Variants in MACO1 observed in about 807,000 individuals in gnomAD.
MACO1 encodes the protein macoilin 1, also known as macoilin.
Under a neutral mutation model 78.7 loss-of-function variants are expected in MACO1, and 14 were observed. The ratio of observed to expected loss-of-function variants is 0.18; its 90% CI spans 0.12 to 0.28. The LOEUF is 0.28. Among genes scored for constraint, MACO1 ranks in the 10% least tolerant of loss-of-function variants. MACO1 has a pLI of 1.00. For synonymous variants in MACO1, 288 were observed against 291.6 expected (o/e 0.99, Z 0.12); for missense variants, 501 against 799.0 (o/e 0.63, Z 4.50).
intron 10 of MACO1, among the ~76,000 whole-genome samples, chr1:25,493,952 C>T (rs1255741080): frequency 6.6e-6 from 1 of 151,946 alleles, no homozygotes; most frequent in East Asian, 1.9e-4. Context: ...AGGATGGTCT[C>T]GATCTCCTGA....
chr1:25,460,114 C>T (rs955455804), intron 6 of MACO1, among the ~76,000 whole-genome samples: 3 of 152,122 alleles, frequency 2.0e-5, no homozygotes, highest in African/African-American at 7.2e-5. Flanking sequence ...TTAAACTAAG[C>T]GAGGTATATT....
Position 25,446,922 on chromosome 1 carries a change from G to A in MACO1, c.222+19G>A. 2 of 1,605,976 alleles carry A rather than the reference G, an allele frequency of 1.2e-6. No homozygotes were observed. Among genetic ancestry groups the A allele is most frequent in the Non-Finnish European group, 1.7e-6 (2 of 1,176,936 alleles). ...GGGACTGGTATGTCTGGTAATACAT[G>A]TTTTCCATGTGTGGGGACCATTCAG... On this transcript the variant is annotated intron_variant, in intron 2 of 10. Transcript: ENST00000374343.
intron 1 of MACO1, among the ~76,000 whole-genome samples, chr1:25,431,417 C>A (rs1363805856): frequency 6.7e-6 from 1 of 148,208 alleles, no homozygotes; most frequent in African/African-American, 2.4e-5. Context: ...GCTGAGGGAG[C>A]CGCCGCGCCG....
In MACO1 at chr1:25,490,185, AATTG is replaced by A. The variant is rs541181656; in HGVS notation, c.1617+897_1617+900del. On this transcript the variant is annotated intron_variant, in intron 9 of 10. Coordinates refer to ENST00000374343, the MANE Select transcript of MACO1 (RefSeq NM_018202.6). Reference sequence around the variant, plus strand: ...CAAAAATCATAATAATAAATGAAAAAATTGATTGGGGAAGGTATGAATATTGCAA... The same window carrying A: ...CAAAAATCATAATAATAAATGAAAAAATTGGGGAAGGTATGAATATTGCAA... 3.6e-4 allele frequency among the ~76,000 whole-genome samples: 55 copies of A among 152,300 alleles called. No homozygotes were observed. The East Asian group carries it at 9.6e-3, about 27-fold the overall frequency.
At chr1:25,489,623 AG>A (rs1240195655) in intron 9 of MACO1, among the ~76,000 whole-genome samples, 2 of 152,170 alleles carry the variant, frequency 1.3e-5, no homozygotes, top group Non-Finnish European at 2.9e-5. Context: ...ACCTCCTTTT[AG>A]CCCCAACCCT....
In MACO1 at chr1:25,487,416, G is replaced by A. The variant is rs751938958; in HGVS notation, c.1496+1621G>A. On this transcript the variant is annotated intron_variant, in intron 8 of 10. Coordinates refer to ENST00000374343, the MANE Select transcript of MACO1 (RefSeq NM_018202.6). Reference sequence around the variant, plus strand: ...GATCTGCCCACCTTGACCTCCCAAAGTGCTGGGATTACAGGCGTGAGCCAC... The same window carrying A: ...GATCTGCCCACCTTGACCTCCCAAAATGCTGGGATTACAGGCGTGAGCCAC... 4.7e-4 allele frequency among the ~76,000 whole-genome samples: 72 copies of A among 152,140 alleles called. 1 individual carries two copies. The highest frequency in any genetic ancestry group is 3.9e-4 in the Admixed American group (6 of 15,278).
At chr1:25,441,393 C>T (rs1244012426) in intron 1 of MACO1, among the ~76,000 whole-genome samples, 7 of 152,146 alleles carry the variant, frequency 4.6e-5, no homozygotes, top group African/African-American at 1.7e-4. Context: ...CCATGTTGGC[C>T]AGGCTGGTCT....
rs887002121 is a variant in MACO1 at position 25,499,348 on chromosome 1, A to C, written c.*882A>C. 1 of 152,066 alleles carries C rather than the reference A, an allele frequency of 6.6e-6. No individual in the cohort carries two copies. The highest frequency in any genetic ancestry group is 1.5e-5 in the Non-Finnish European group (1 of 68,018). The allele number at this position is 152,066 out of a possible 1,614,324, so 9.4% of individuals were successfully genotyped here. Reference sequence around the variant, plus strand: ...AATAGAAAGCACCACAGTGTTTTGCACTTGCCTCCAGTAAAGTGCCCTGGG... The same window carrying C: ...AATAGAAAGCACCACAGTGTTTTGCCCTTGCCTCCAGTAAAGTGCCCTGGG... On this transcript the variant is annotated 3_prime_UTR_variant, in exon 11 of 11. Transcript: ENST00000374343.
rs531051755 is a variant in MACO1, at chr1:25,494,727, G to T, written c.1792+3143G>T. On this transcript the variant is annotated intron_variant, in intron 10 of 10. Coordinates refer to ENST00000374343, the MANE Select transcript of MACO1 (RefSeq NM_018202.6). ...AGAGTGGAGGTTCCTGAGAGTTCTG[G>T]AAGGACAAAGTTGTTGGAACCAAGG... Among the ~76,000 whole-genome samples, 5 of 152,306 alleles carry T rather than the reference G, an allele frequency of 3.3e-5. No homozygotes were observed. In the South Asian group the frequency reaches 1.0e-3, roughly 32 times the overall value.
intron 10 of MACO1, among the ~76,000 whole-genome samples, chr1:25,494,683 G>A (rs982329764): frequency 2.7e-4 from 41 of 152,144 alleles, no homozygotes; most frequent in Admixed American, 1.1e-3. Flanking sequence ...GAGGGCGGAC[G>A]GGCCAGACAG....
intron 3 of MACO1, among the ~76,000 whole-genome samples, chr1:25,451,391 T>G (rs1380719913): frequency 1.3e-5 from 2 of 152,214 alleles, no homozygotes; most frequent in Non-Finnish European, 2.9e-5. Flanking sequence ...TTATACTTGC[T>G]CAAAAATGCT....
chr1:25,490,032 A>G (rs1224909030), intron 9 of MACO1, among the ~76,000 whole-genome samples: 2 of 152,232 alleles, frequency 1.3e-5, no homozygotes, highest in African/African-American at 4.8e-5. Context: ...AAGAAATTCC[A>G]GATGAAGAGT....
At chr1:25,464,737 A>G (rs1304102621) in intron 6 of MACO1, among the ~76,000 whole-genome samples, 3 of 149,594 alleles carry the variant, frequency 2.0e-5, no homozygotes, top group Non-Finnish European at 3.0e-5. Flanking sequence ...GTTCACTGCA[A>G]CCTTCACCTC....
At chr1:25,452,862 A>G (rs1043244455) in intron 3 of MACO1, among the ~76,000 whole-genome samples, 7 of 151,638 alleles carry the variant, frequency 4.6e-5, no homozygotes, top group African/African-American at 1.2e-4. Flanking sequence ...ATGCCCAGCT[A>G]ATTTTTGTGT....
chr1:25,496,136 G>A (rs998153217), intron 10 of MACO1, among the ~76,000 whole-genome samples: 2 of 150,654 alleles, frequency 1.3e-5, no homozygotes, highest in Non-Finnish European at 3.0e-5. Context: ...AAGCATTTTT[G>A]TGGGCTTTTT....
At chr1:25,496,822 G>GGA (rs1246982967) in intron 10 of MACO1, among the ~76,000 whole-genome samples, 2 of 152,174 alleles carry the variant, frequency 1.3e-5, no homozygotes, top group Non-Finnish European at 2.9e-5. Flanking sequence ...GCTGTAGGTA[G>GGA]GAGTGTACAT....
intron 6 of MACO1, among the ~76,000 whole-genome samples, chr1:25,482,902 A>G (rs752355966): frequency 2.0e-5 from 3 of 152,156 alleles, no homozygotes; most frequent in South Asian, 2.1e-4. Flanking sequence ...AGCTGTTGTT[A>G]TTATTCCTTC....
chr1:25,479,463 G>A (rs1225048133), intron 6 of MACO1, among the ~76,000 whole-genome samples: 1 of 151,930 alleles, frequency 6.6e-6, no homozygotes, highest in Non-Finnish European at 1.5e-5. Context: ...GCCCAGACTG[G>A]AGTGCAGTGG....
chr1:25,480,202 A>G (rs188900812), intron 6 of MACO1, among the ~76,000 whole-genome samples: 2 of 152,278 alleles, frequency 1.3e-5, no homozygotes, highest in Admixed American at 6.5e-5. Context: ...GTCCATCATA[A>G]ATTTTTTAAA....
Sources: allele counts gnomAD v4.1 joint callset (sites outside exome capture counted in the v4.1 genomes callset), GRCh38; gene constraint gnomAD v4.1.1; transcripts MANE v1.5; gene names NCBI Gene and HGNC (gene_info 2026-07-23, HGNC 2026-07-21).